Variants in YEATS2 observed in about 807,000 individuals in gnomAD.
YEATS2 encodes the protein YEATS domain-containing protein 2.
In YEATS2, 77 loss-of-function variants were observed where a neutral mutation model predicts 163.2. The ratio of observed to expected loss-of-function variants is 0.47; its 90% CI spans 0.39 to 0.57. YEATS2 has a LOEUF of 0.57. Among genes scored for constraint, YEATS2 ranks in the 20% least tolerant of loss-of-function variants. The pLI, the probability that YEATS2 is intolerant of heterozygous loss-of-function variation, is 0.00. For synonymous variants in YEATS2, 631 were observed against 645.1 expected, an observed-to-expected ratio of 0.98 and a Z score of 0.33; for missense variants, 1,549 against 1,729.8, an observed-to-expected ratio of 0.90 and a Z score of 1.85.
intron 7 of YEATS2, among the ~76,000 whole-genome samples, chr3:183,730,717 C>A (rs1717694006): frequency 6.6e-6 from 1 of 152,154 alleles, no homozygotes; most frequent in African/African-American, 2.4e-5. Flanking sequence ...GGAAAGGTTT[C>A]AGCACCTGGT....
chr3:183,752,318 A>C, intron 10 of YEATS2, 65 bp downstream of exon 10: 3 of 1,577,288 alleles, frequency 1.9e-6, no homozygotes, highest in Non-Finnish European at 2.6e-6. Context: ...TGCTGCTTTC[A>C]GAGACCTATA....
In YEATS2 at chr3:183,747,775, T is replaced by G. The variant is rs1719708742; in HGVS notation, c.969+59T>G. On this transcript the variant is annotated intron_variant, in intron 9 of 30. Coordinates refer to ENST00000305135, the MANE Select transcript of YEATS2 (RefSeq NM_018023.5). ...GAGTAGGATGAAAATTGATCTTCAT[T>G]TTTTGTTTGTTTGTTTGTTTTGAGA... 14 of 1,538,828 alleles carry G rather than the reference T, an allele frequency of 9.1e-6. No homozygotes were observed. In the South Asian group the frequency reaches 1.1e-4, roughly 12 times the overall value.
intron 1 of YEATS2, among the ~76,000 whole-genome samples, chr3:183,713,682 G>A (rs1360710262): frequency 6.6e-6 from 1 of 152,214 alleles, no homozygotes; most frequent in African/African-American, 2.4e-5. Context: ...ACTGACTCAT[G>A]AAATATGTAT....
At chr3:183,791,033 T>C in intron 21 of YEATS2, 53 bp downstream of exon 21, 1 of 1,584,186 alleles carries the variant, frequency 6.3e-7, no homozygotes, top group Non-Finnish European at 8.6e-7. Flanking sequence ...TGGGCTGGAA[T>C]ATTTTTGTTT....
intron 17 of YEATS2, 42 bp downstream of exon 17, chr3:183,773,836 T>C: frequency 6.4e-7 from 1 of 1,562,652 alleles, no homozygotes; most frequent in Non-Finnish European, 8.6e-7. Context: ...TTCTTGGTTC[T>C]CTATGTGTGT....
chr3:183,793,748 G>A (rs1330417174), intron 21 of YEATS2, among the ~76,000 whole-genome samples: 3 of 151,866 alleles, frequency 2.0e-5, no homozygotes, highest in Admixed American at 1.3e-4. Flanking sequence ...GAGTAGCTGG[G>A]ATTATAGGCG....
intron 20 of YEATS2, among the ~76,000 whole-genome samples, chr3:183,790,123 A>T (rs948411338): frequency 2.0e-5 from 3 of 152,196 alleles, no homozygotes; most frequent in Admixed American, 6.5e-5. Flanking sequence ...CTGCCAGGAA[A>T]CACTGTCATC....
chr3:183,792,642 C>T (rs1034688289), intron 21 of YEATS2, among the ~76,000 whole-genome samples: 11 of 152,174 alleles, frequency 7.2e-5, no homozygotes, highest in African/African-American at 2.6e-4. Flanking sequence ...CTCAGCTTCC[C>T]GACTAGCTGG....
chr3:183,705,256 C>T (rs1447619219), intron 1 of YEATS2, among the ~76,000 whole-genome samples: 3 of 151,996 alleles, frequency 2.0e-5, no homozygotes, highest in Non-Finnish European at 2.9e-5. Context: ...CACTGTGTTG[C>T]CCAGGGTGGT....
rs755465516 is a variant in YEATS2, at chr3:183,786,288, G to C, written c.2900G>C (p.Gly967Ala). 2.5e-6 allele frequency: 4 copies of C among 1,610,946 alleles called. No individual in the cohort carries two copies. In the South Asian group the frequency reaches 4.4e-5, roughly 18 times the overall value. ...CCTGCCGTGGCCCTCTCAGCAAACG[G>C]TCCTGCACAACAGGTGAGAAATAGC... ...TSPAVALSAN[G>A]PAQQSEGMAP... The change falls in exon 20 of 31, where the codon GGT becomes GCT. Residue 967 changes from glycine to alanine, a missense_variant. Physicochemically the swap from Gly to Ala is moderately conservative, Grantham distance 60 (BLOSUM62 0). Coordinates refer to ENST00000305135, the MANE Select transcript of YEATS2 (RefSeq NM_018023.5).
chr3:183,715,157 G>A lies in YEATS2; in HGVS notation c.-6G>A. 6.2e-7 allele frequency: 1 copy of A among 1,603,386 alleles called. No individual in the cohort carries two copies. Among genetic ancestry groups the A allele is most frequent in the Non-Finnish European group, 8.5e-7 (1 of 1,171,430 alleles). On this transcript the variant is annotated 5_prime_UTR_variant, in exon 2 of 31. It removes an upstream start codon present in the reference 5' UTR. Transcript: ENST00000305135. ...ATTGCTTCACAGTGAAGAACTGAAT[G>A]TCATCATGTCTGGAATCAAGCGAAC...
At chr3:183,735,733 C>T (rs1346149181) in intron 7 of YEATS2, among the ~76,000 whole-genome samples, 1 of 151,760 alleles carries the variant, frequency 6.6e-6, no homozygotes, top group Non-Finnish European at 1.5e-5. Context: ...CTGTCTCAGG[C>T]TGGAGTGCAG....
chr3:183,797,578 G>C (rs1380407406), intron 21 of YEATS2, among the ~76,000 whole-genome samples: 1 of 86,840 alleles, frequency 1.2e-5, no homozygotes, highest in Non-Finnish European at 2.4e-5. Flanking sequence ...AAATAAATAG[G>C]GACCAGGCAT....
chr3:183,718,458 A>G, intron 3 of YEATS2, 42 bp from the exon 4 acceptor site: 1 of 1,493,330 alleles, frequency 6.7e-7, no homozygotes, highest in Non-Finnish European at 9.2e-7. Flanking sequence ...TCTCTTTTAT[A>G]ATTGCCGTTT....
rs1374835713 is a variant in YEATS2, at chr3:183,728,753, C to T, written c.714C>T (p.Val238=). The change falls in exon 7 of 31, where the codon GTC becomes GTT. Residue 238 remains valine, a synonymous_variant. Transcript: ENST00000305135. ...DQSTHKWMVY[V]RGSRREPSIN... ...CAACTCATAAGTGGATGGTATATGT[C>T]CGAGGGTCCCGTAGAGAACCCAGCA... 1.2e-6 allele frequency: 2 copies of T among 1,613,860 alleles called. No homozygotes were observed. The highest frequency in any genetic ancestry group is 1.3e-5 in the African/African-American group (1 of 74,874).
intron 1 of YEATS2, among the ~76,000 whole-genome samples, chr3:183,714,475 C>T (rs186682130): frequency 2.2e-3 from 335 of 151,930 alleles, no homozygotes; most frequent in Middle Eastern, 0.01. Context: ...GGATTACAGG[C>T]GTGAGCCACC....
rs1726818299 is a variant in YEATS2 at position 183,811,734 on chromosome 3, TC to T, written c.*1153del. 6.6e-6 allele frequency: 1 copy of T among 152,148 alleles called. No homozygotes were observed. The highest frequency in any genetic ancestry group is 1.5e-5 in the Non-Finnish European group (1 of 68,034). 9.4% of individuals were successfully genotyped at this position (152,148 alleles called of 1,614,324 possible). On this transcript the variant is annotated 3_prime_UTR_variant, in exon 31 of 31. Coordinates refer to ENST00000305135, the MANE Select transcript of YEATS2 (RefSeq NM_018023.5). The stretch of plus-strand genomic sequence containing the variant: ...TATTGGAGGCGCCCCATCTCAGACT[TC>T]CTAACACAGCCTGTGTGGAAGGCAG...
chr3:183,776,165 T>C (rs751396004), intron 18 of YEATS2, 42 bp downstream of exon 18: 2 of 1,501,710 alleles, frequency 1.3e-6, no homozygotes, highest in Non-Finnish European at 1.8e-6. Context: ...ATTTAGCTAT[T>C]GGATAACTAT....
chr3:183,719,665 T>G (rs1478369382), intron 4 of YEATS2, among the ~76,000 whole-genome samples: 1 of 152,086 alleles, frequency 6.6e-6, no homozygotes, highest in African/African-American at 2.4e-5. Context: ...TTCTACTTTT[T>G]GTTTTCTTTC....
Sources: allele counts gnomAD v4.1 joint callset (sites outside exome capture counted in the v4.1 genomes callset), GRCh38; gene constraint gnomAD v4.1.1; transcripts MANE v1.5; gene names NCBI Gene and HGNC (gene_info 2026-07-23, HGNC 2026-07-21).